Variants in HSD17B12 observed in about 807,000 individuals in gnomAD.
HSD17B12 encodes the protein very-long-chain 3-oxoacyl-CoA reductase.
A neutral mutation model predicts 39.3 loss-of-function variants in HSD17B12; 32 were observed. The observed-to-expected ratio is 0.81, with a 90% CI of 0.61 to 1.09. HSD17B12 has a LOEUF of 1.09. Among genes scored for constraint, HSD17B12 ranks in the 50% least tolerant of loss-of-function variants. HSD17B12 has a pLI of 0.00. For missense variants in HSD17B12, 342 were observed against 382.9 expected (o/e 0.89, Z 0.89); for synonymous variants, 150 against 146.7 (o/e 1.02, Z -0.16).
At chr11:43,594,440 A>G in the HSD17B12 span, among the ~76,000 whole-genome samples, 22 of 152,076 alleles carry the variant, frequency 1.4e-4, no homozygotes, top group African/African-American at 2.2e-4. Flanking sequence ...AAAGAATACT[A>G]TATATTTTAT....
chr11:43,583,036 T>C, the HSD17B12 span, among the ~76,000 whole-genome samples: 9 of 152,160 alleles, frequency 5.9e-5, no homozygotes, highest in African/African-American at 2.2e-4. Context: ...AGATTAATAA[T>C]AGCTTCACCC....
chr11:43,775,032 T>A (rs1950685871), intron 3 of HSD17B12, among the ~76,000 whole-genome samples: 1 of 152,086 alleles, frequency 6.6e-6, no homozygotes, highest in Non-Finnish European at 1.5e-5. Flanking sequence ...AGGGCCCAAG[T>A]GGAGACTTGA....
In HSD17B12 at chr11:43,754,045, G is replaced by A; in HGVS notation, c.208-1G>A. ...GATTCAAATCTCCTTTACTGTTTCA[G>A]TTAGCAAAGCATGGAATGAAGGTTG... On this transcript the variant is annotated splice_acceptor_variant, in intron 2 of 10. Transcript: ENST00000278353. LOFTEE classifies it high-confidence loss of function. 1 of 1,606,938 alleles carries A rather than the reference G, an allele frequency of 6.2e-7. No individual in the cohort carries two copies. The highest frequency in any genetic ancestry group is 8.5e-7 in the Non-Finnish European group (1 of 1,174,296).
chr11:43,667,736 A>G, the HSD17B12 span, among the ~76,000 whole-genome samples: 1 of 152,320 alleles, frequency 6.6e-6, no homozygotes, highest in African/African-American at 2.4e-5. Flanking sequence ...TGCATAAAAC[A>G]AAGTTTGTGT....
intron 3 of HSD17B12, among the ~76,000 whole-genome samples, chr11:43,779,843 C>T (rs1373555142): frequency 6.6e-6 from 1 of 152,128 alleles, no homozygotes; most frequent in Non-Finnish European, 1.5e-5. Flanking sequence ...GTAGGATGTT[C>T]AAGGAGAGTT....
At chr11:43,585,991 G>A in the HSD17B12 span, among the ~76,000 whole-genome samples, 1 of 152,212 alleles carries the variant, frequency 6.6e-6, no homozygotes, top group Non-Finnish European at 1.5e-5. Context: ...TTCAGAGAGA[G>A]ACCAATCTCT....
chr11:43,787,275 C>T (rs574193380), intron 3 of HSD17B12, among the ~76,000 whole-genome samples: 9 of 152,220 alleles, frequency 5.9e-5, no homozygotes, highest in Non-Finnish European at 1.0e-4. Context: ...GAAAGTGTTG[C>T]AGAACAGATT....
At chr11:43,753,791 A>C (rs1950486429) in intron 2 of HSD17B12, among the ~76,000 whole-genome samples, 1 of 152,090 alleles carries the variant, frequency 6.6e-6, no homozygotes, top group Non-Finnish European at 1.5e-5. Flanking sequence ...AATAGTATAG[A>C]TGATATAAAA....
chr11:43,655,971 G>A, the HSD17B12 span, among the ~76,000 whole-genome samples: 1 of 152,198 alleles, frequency 6.6e-6, no homozygotes, highest in Admixed American at 6.5e-5. Context: ...AATAGTTTCA[G>A]AAGGAATGGT....
the HSD17B12 span, among the ~76,000 whole-genome samples, chr11:43,652,686 G>A: frequency 1.3e-5 from 2 of 152,042 alleles, no homozygotes; most frequent in African/African-American, 4.8e-5. Context: ...AAATACACAT[G>A]AAGAGATACA....
chr11:43,846,890 G>GTCT (rs761381393), intron 9 of HSD17B12, among the ~76,000 whole-genome samples: 7 of 152,202 alleles, frequency 4.6e-5, no homozygotes, highest in Non-Finnish European at 1.0e-4. Context: ...TGTTCCACAT[G>GTCT]TCTTCAGTCA....
At chr11:43,773,379 T>C (rs1950668302) in intron 3 of HSD17B12, among the ~76,000 whole-genome samples, 1 of 152,146 alleles carries the variant, frequency 6.6e-6, no homozygotes, top group African/African-American at 2.4e-5. Context: ...TAGTTAGCAC[T>C]ACAGGTGCAC....
the HSD17B12 span, among the ~76,000 whole-genome samples, chr11:43,619,383 CT>C: frequency 7.6e-6 from 1 of 132,342 alleles, no homozygotes; most frequent in African/African-American, 2.6e-5. Context: ...TGCACTTTTT[CT>C]TTTTCTTTTC....
intron 3 of HSD17B12, among the ~76,000 whole-genome samples, chr11:43,770,480 C>A (rs897843008): frequency 6.6e-6 from 1 of 152,200 alleles, no homozygotes; most frequent in Non-Finnish European, 1.5e-5. Flanking sequence ...GTAATTCCAG[C>A]GCTTGAGAAG....
At position 43,691,541 on chromosome 11, in the gene HSD17B12, C is replaced by T. The variant is rs1949862910; in HGVS notation, c.160+10554C>T. ...ACTACAGTCTCTCTCGCATCCATAC[C>T]TTCCTCTATGTTCTCCTAATATATT... On this transcript the variant is annotated intron_variant, in intron 1 of 10. Transcript: ENST00000278353. Among the ~76,000 whole-genome samples, 3 of 152,100 alleles carry T rather than the reference C, an allele frequency of 2.0e-5. No individual in the cohort carries two copies. The South Asian group carries it at 6.2e-4, about 32-fold the overall frequency.
At chr11:43,812,540 C>T (rs1212775885) in intron 4 of HSD17B12, among the ~76,000 whole-genome samples, 2 of 152,146 alleles carry the variant, frequency 1.3e-5, no homozygotes, top group Admixed American at 6.5e-5. Flanking sequence ...CTATCCATAT[C>T]CTCAGCCCAC....
At chr11:43,582,529 G>C in the HSD17B12 span, among the ~76,000 whole-genome samples, 7 of 152,206 alleles carry the variant, frequency 4.6e-5, no homozygotes, top group Non-Finnish European at 1.5e-5. Flanking sequence ...ACACACATGA[G>C]TGCCCACAGG....
intron 3 of HSD17B12, among the ~76,000 whole-genome samples, chr11:43,780,252 G>A (rs950975049): frequency 5.3e-5 from 8 of 152,022 alleles, no homozygotes; most frequent in Non-Finnish European, 1.2e-4. Flanking sequence ...TGCAACCTCC[G>A]CCTCTTGAGT....
intron 4 of HSD17B12, among the ~76,000 whole-genome samples, chr11:43,813,251 A>G (rs1044733373): frequency 1.3e-5 from 2 of 152,152 alleles, no homozygotes; most frequent in Non-Finnish European, 2.9e-5. Context: ...AAAGATTACA[A>G]AGTCAACTGT....
Sources: gnomAD v4.1 joint callset for allele counts (sites outside exome capture counted in the v4.1 genomes callset) on GRCh38, gnomAD v4.1.1 for gene constraint, MANE v1.5 for transcripts, NCBI Gene and HGNC (gene_info 2026-07-23, HGNC 2026-07-21) for gene names.